Variants in TTN observed in about 807,000 individuals in gnomAD.
TTN encodes the protein connectin.
In TTN, 1,525 loss-of-function variants were observed where a neutral mutation model predicts 3,223.0. That is an observed-to-expected ratio of 0.47 (90% confidence interval 0.45 to 0.49). The LOEUF is 0.49. Among genes scored for constraint, TTN ranks in the 20% least tolerant of loss-of-function variants. The pLI, the probability that TTN is intolerant of heterozygous loss-of-function variation, is 0.00. For synonymous variants in TTN, 14,094 were observed against 15,161.0 expected (o/e 0.93, Z 5.17); for missense variants, 40,786 against 43,424.0 (o/e 0.94, Z 5.40).
Position 178,646,574 on chromosome 2 carries a change from G to C in TTN, c.40223-15C>G, listed in dbSNP as rs200619085. On this transcript the variant is annotated splice_polypyrimidine_tract_variant and intron_variant, in intron 215 of 362. Transcript: ENST00000589042. ...AATTTCACGTTCTTTAAAGAATGTT[G>C]ACAAAGGAGATGAGGTTGCAATGTA... 377 of 1,495,252 alleles carry C rather than the reference G, an allele frequency of 2.5e-4. 1 individual carries two copies. Among genetic ancestry groups the C allele is most frequent in the Middle Eastern group, 5.2e-4 (3 of 5,782 alleles). 92.6% of individuals were successfully genotyped at this position (1,495,252 alleles called of 1,614,324 possible). A position where few individuals can be genotyped will look rare whatever the true frequency, so the allele number is the denominator to read the frequency against.
At chr2:178,609,637 A>C in intron 272 of TTN, 47 bp downstream of exon 272, 2 of 1,550,994 alleles carry the variant, frequency 1.3e-6, no homozygotes, top group Non-Finnish European at 1.7e-6. Context: ...CATTATTTTC[A>C]TTTATTTCAA....
chr2:178,686,875 A>G (rs1044701544), intron 127 of TTN, among the ~76,000 whole-genome samples: 4 of 152,242 alleles, frequency 2.6e-5, no homozygotes, highest in African/African-American at 4.8e-5. Context: ...CAGGAAGTTT[A>G]TAGTGTCAAA....
In TTN at chr2:178,729,099, A is replaced by G; in HGVS notation, c.18939T>C (p.Ser6313=). 2 of 1,611,474 alleles carry G rather than the reference A, an allele frequency of 1.2e-6. No individual in the cohort carries two copies. The highest frequency in any genetic ancestry group is 2.2e-5 in the South Asian group (2 of 90,608). Residue 6313 remains serine (S), a synonymous_variant, in exon 65 of 363, where the codon AGT becomes AGC. Transcript: ENST00000589042. The stretch of plus-strand genomic sequence containing the variant: ...AAATAGGAGGAGAACCTGCCACGGT[A>G]CTCTGAAAGGTGGCAGAACTTTTCA... ...TVLKSSATFQ[S]TVAGSPPISI...
chr2:178,668,655 C>A (rs1397187406), intron 159 of TTN, among the ~76,000 whole-genome samples: 5 of 151,444 alleles, frequency 3.3e-5, no homozygotes, highest in African/African-American at 1.2e-4. Flanking sequence ...TAGCTTGAAC[C>A]CAGGAGACGG....
chr2:178,782,644 G>T (rs1365576393), intron 18 of TTN, 42 bp from the exon 19 acceptor site: 1 of 1,610,810 alleles, frequency 6.2e-7, no homozygotes, highest in South Asian at 1.1e-5. Context: ...GAGATGTTTA[G>T]TGACCCCTGC....
chr2:178,783,201 G>A (rs2092926222), intron 17 of TTN, 137 bp from the exon 18 acceptor site: 5 of 825,496 alleles, frequency 6.1e-6, no homozygotes, highest in Middle Eastern at 3.1e-4. Context: ...TCCAGAAATA[G>A]TAGTAGAGAA....
rs760724229 is a variant in TTN, at chr2:178,731,447, G to A, written c.17319C>T (p.Asp5773=). 59 of 1,613,508 alleles carry A rather than the reference G, an allele frequency of 3.7e-5. No homozygotes were observed. The South Asian group carries it at 4.9e-4, about 14-fold the overall frequency. The change falls in exon 59 of 363, where the codon GAC becomes GAT. Residue 5773 remains aspartate, a synonymous_variant. Transcript: ENST00000589042. ...WLKDSDEITE[D]DNIRMTFENN... ...TCTCAAAGGTCATTCTTATATTATCGTCTTCAGTGATTTCATCGCTGTCTT... is the reference window on the plus strand; with the variant it reads ...TCTCAAAGGTCATTCTTATATTATCATCTTCAGTGATTTCATCGCTGTCTT...
Position 178,548,194 on chromosome 2 carries a change from C to A in TTN, c.93432G>T (p.Arg31144=), listed in dbSNP as rs377261293. Residue 31144 remains arginine, a synonymous_variant, in exon 339 of 363, where the codon CGG becomes CGT. Transcript: ENST00000589042. The surrounding 1 kb of genome is among the most constrained non-coding windows in gnomAD (Gnocchi z 4.3). ...TCATTTCAAGCAGGTAGCCAGTGATCCGGCTGCCTCCATCGTGGTCAGGTT... is the reference window on the plus strand; with the variant it reads ...TCATTTCAAGCAGGTAGCCAGTGATACGGCTGCCTCCATCGTGGTCAGGTT... The part of the protein sequence containing the change: ...WLKPDHDGGS[R]ITGYLLEMRQ... The A allele has an allele frequency of 9.9e-6, 16 of 1,613,724 alleles. 1 individual carries two copies. The highest frequency in any genetic ancestry group is 1.7e-5 in the Admixed American group (1 of 59,976).
intron 1 of TTN, among the ~76,000 whole-genome samples, chr2:178,805,343 C>CAAAAA (rs34870064): frequency 1.1e-4 from 10 of 89,820 alleles, no homozygotes; most frequent in African/African-American, 3.9e-4. Context: ...GACTCTGTCT[C>CAAAAA]AAAAAAAAAA....
rs139187345 is a variant in TTN at position 178,794,955 on chromosome 2, G to A, written c.1212C>T (p.Tyr404=). 6.7e-5 allele frequency: 108 copies of A among 1,604,486 alleles called. No homozygotes were observed. In the African/African-American group the frequency reaches 1.1e-3, roughly 17 times the overall value. Residue 404 remains tyrosine (Y), a synonymous_variant, in exon 7 of 363, where the codon TAC becomes TAT. Transcript: ENST00000589042. ...AAASVSASAS[Y]AAEAVATGAK... is the part of the protein sequence containing the mutation. ...CACCAGTGGCAACAGCCTCTGCTGC[G>A]TAGCTAGCACTGGCCGACACACTGG...
In TTN at chr2:178,573,003, C is replaced by T; in HGVS notation, c.73129G>A (p.Ala24377Thr). Reference sequence around the variant, plus strand: ...GTATACGAAGTTGCCTTGAGTCCTGCTGGTGGAGTGACAATCTGCCATTCA... The same window carrying T: ...GTATACGAAGTTGCCTTGAGTCCTGTTGGTGGAGTGACAATCTGCCATTCA... ...EDEWQIVTPPAGLKATSYTIT... is the reference protein window; with the variant it reads ...EDEWQIVTPPTGLKATSYTIT... Residue 24377 changes from alanine to threonine, a missense_variant, in exon 326 of 363, where the codon GCA becomes ACA. Coordinates refer to ENST00000589042, the MANE Select transcript of TTN (RefSeq NM_001267550.2). 2.5e-6 allele frequency: 4 copies of T among 1,613,100 alleles called. No individual in the cohort carries two copies. The highest frequency in any genetic ancestry group is 3.4e-6 in the Non-Finnish European group (4 of 1,179,444).
intron 1 of TTN, among the ~76,000 whole-genome samples, chr2:178,806,485 G>T (rs908272951): frequency 1.3e-5 from 2 of 152,194 alleles, no homozygotes; most frequent in Non-Finnish European, 2.9e-5. Context: ...TAATTGGACT[G>T]TGTGCTGAGT....
At chr2:178,751,047 C>T in intron 47 of TTN, 1 of 1,612,614 alleles carries the variant, frequency 6.2e-7, no homozygotes, top group Non-Finnish European at 8.5e-7. Context: ...TCCTCAGATT[C>T]TATATTTTGA....
In TTN at chr2:178,756,636, C is replaced by A. The variant is rs540059730; in HGVS notation, c.10840G>T (p.Glu3614Ter). The stretch of plus-strand genomic sequence containing the variant: ...TGGATGGAACTTTGAGATACACTTT[C>A]AAAAACCTGCACTTCATATTCATAT... ...SSYEYEVQVF[E>*]SVSQSSIHTA... The change falls in exon 46 of 363, where the codon GAA becomes TAA. Residue 3614 changes from glutamate to a stop codon, truncating the protein, a stop_gained. Coordinates refer to ENST00000589042, the MANE Select transcript of TTN (RefSeq NM_001267550.2). LOFTEE classifies it high-confidence loss of function. 29 of 1,613,730 alleles carry A rather than the reference C, an allele frequency of 1.8e-5. No homozygotes were observed. In the East Asian group the frequency reaches 6.2e-4, roughly 35 times the overall value.
intron 47 of TTN, among the ~76,000 whole-genome samples, chr2:178,743,612 T>G (rs747471474): frequency 1.2e-4 from 19 of 152,086 alleles, no homozygotes; most frequent in Middle Eastern, 3.4e-3. Context: ...CATTTTTCTA[T>G]TTCTCTCTTT....
At position 178,593,803 on chromosome 2, in the gene TTN, G is replaced by A; in HGVS notation, c.58497C>T (p.Ile19499=). The A allele has an allele frequency of 6.2e-7, 1 of 1,612,980 alleles. No individual in the cohort carries two copies. ...CATCATCTAAAGGAGGCTTCCAAGA[G>A]ATAACCATGTAATCTTTGGTCACCT... ...FDEVTKDYMV[I]SWKPPLDDGG... is the part of the protein sequence containing the mutation. Residue 19499 remains isoleucine, a synonymous_variant, in exon 298 of 363, where the codon ATC becomes ATT. Transcript: ENST00000589042.
chr2:178,607,104 T>A lies in TTN; in HGVS notation c.53498A>T (p.Tyr17833Phe). ...GTTCTTGGCAATAACACGGAACTTA[T>A]ATTCTTGTCCCTCAAGCAGACCTGT... ...DITGLLEGQE[Y>F]KFRVIAKNKF... Residue 17833 changes from tyrosine (Y) to phenylalanine (F), a missense_variant, in exon 278 of 363, where the codon TAT becomes TTT. By Grantham distance (22) the Tyr-to-Phe change is conservative (BLOSUM62 3). Transcript: ENST00000589042. 2 of 1,612,698 alleles carry A rather than the reference T, an allele frequency of 1.2e-6. No individual in the cohort carries two copies. The highest frequency in any genetic ancestry group is 1.7e-6 in the Non-Finnish European group (2 of 1,179,206).
Position 178,713,381 on chromosome 2 carries a change from TACAAA to T in TTN, c.26762-14_26762-10del, listed in dbSNP as rs71393436. On this transcript the variant is annotated splice_polypyrimidine_tract_variant and intron_variant, in intron 92 of 362. Transcript: ENST00000589042. ...AGGAGGAACGGTTCGGTCTGAATGA[TACAAA>T]ACAAAACAAAACAAAACAAAACAAA... The T allele has an allele frequency of 1.2e-3, 1,826 of 1,468,982 alleles. 9 individuals are homozygous for T. In the African/African-American group the frequency reaches 0.013, roughly 10 times the overall value. 91.0% of individuals were successfully genotyped at this position (1,468,982 alleles called of 1,614,324 possible). A position where few individuals can be genotyped will look rare whatever the true frequency, so the allele number is the denominator to read the frequency against.
In TTN at chr2:178,553,585, T is replaced by C; in HGVS notation, c.89420A>G (p.Tyr29807Cys). The change falls in exon 334 of 363, where the codon TAC becomes TGC. Residue 29807 changes from tyrosine (Y) to cysteine (C), a missense_variant. Tyr to Cys is a radical substitution (Grantham distance 194, BLOSUM62 -2). Coordinates refer to ENST00000589042, the MANE Select transcript of TTN (RefSeq NM_001267550.2). Reference sequence around the variant, plus strand: ...ACAGTTTACAGCAGATACCCGGAAGTAGTAATTGACTCCAGGTTTCAGGTT... The same window carrying C: ...ACAGTTTACAGCAGATACCCGGAAGCAGTAATTGACTCCAGGTTTCAGGTT... The part of the protein sequence containing the change: ...VSNLKPGVNY[Y>C]FRVSAVNCAG... 1.9e-6 allele frequency: 3 copies of C among 1,613,910 alleles called. No individual in the cohort carries two copies. Among genetic ancestry groups the C allele is most frequent in the Non-Finnish European group, 2.5e-6 (3 of 1,179,800 alleles).
Sources: gnomAD v4.1 joint callset for allele counts (sites outside exome capture counted in the v4.1 genomes callset) on GRCh38, gnomAD v4.1.1 for gene constraint, Gnocchi (gnomAD v3.1) non-coding constraint, MANE v1.5 for transcripts, NCBI Gene and HGNC (gene_info 2026-07-23, HGNC 2026-07-21) for gene names.